Variants in ITGA9 observed in about 807,000 individuals in gnomAD.
The protein encoded by ITGA9 is integrin alpha-9.
In ITGA9, 56 loss-of-function variants were observed where a neutral mutation model predicts 127.8. That is an observed-to-expected ratio of 0.44 (90% CI 0.35 to 0.55). The LOEUF is 0.55. Among genes scored for constraint, ITGA9 ranks in the 20% least tolerant of loss-of-function variants. ITGA9 has a pLI of 0.00. For synonymous variants in ITGA9, 508 were observed against 514.5 expected, an observed-to-expected ratio of 0.99 and a Z score of 0.17; for missense variants, 1,196 against 1,347.1, an observed-to-expected ratio of 0.89 and a Z score of 1.76.
chr3:37,548,809 G>A (rs1270730814), intron 15 of ITGA9, among the ~76,000 whole-genome samples: 1 of 152,180 alleles, frequency 6.6e-6, no homozygotes, highest in Non-Finnish European at 1.5e-5. Flanking sequence ...GGTGCCCAAG[G>A]AAAATGGGAG....
At chr3:37,609,321 A>T (rs1243414785) in intron 15 of ITGA9, among the ~76,000 whole-genome samples, 3 of 152,144 alleles carry the variant, frequency 2.0e-5, no homozygotes, top group Non-Finnish European at 2.9e-5. Flanking sequence ...CTATTTGCAA[A>T]CAGGTCTTGG....
At chr3:37,518,611 T>C (rs1432770578) in intron 10 of ITGA9, among the ~76,000 whole-genome samples, 1 of 152,108 alleles carries the variant, frequency 6.6e-6, no homozygotes, top group African/African-American at 2.4e-5. Flanking sequence ...AGTTACACAA[T>C]AGCCATTGTC....
At chr3:37,542,101 G>A (rs1206056441) in intron 14 of ITGA9, among the ~76,000 whole-genome samples, 1 of 152,194 alleles carries the variant, frequency 6.6e-6, no homozygotes, top group African/African-American at 2.4e-5. Context: ...ACTAACCTGT[G>A]TTGGGTACAC....
At chr3:37,590,916 G>A (rs1218037625) in intron 15 of ITGA9, among the ~76,000 whole-genome samples, 5 of 152,140 alleles carry the variant, frequency 3.3e-5, no homozygotes, top group Non-Finnish European at 7.4e-5. Context: ...TCTGCCAGTG[G>A]AAACCCCATG....
chr3:37,657,093 C>T (rs1474892350), intron 17 of ITGA9, among the ~76,000 whole-genome samples: 3 of 152,054 alleles, frequency 2.0e-5, no homozygotes, highest in Non-Finnish European at 4.4e-5. Context: ...TTCAGTTTGC[C>T]AGTATTTTAT....
Position 37,452,279 on chromosome 3 carries a change from C to G in ITGA9, c.-96C>G. On this transcript the variant is annotated 5_prime_UTR_variant, in exon 1 of 28. Transcript: ENST00000264741. This position sits in a 1 kb window ranked among gnomAD's most constrained non-coding sequence, Gnocchi z 7.3. ...CGCCCGTGTCCAGGCGCAGAGCTCC[C>G]GCCCCGGGGAGCTTCCTGGCCGTCG... 1.5e-6 allele frequency: 1 copy of G among 671,852 alleles called. No individual in the cohort carries two copies. The highest frequency in any genetic ancestry group is 1.8e-6 in the Non-Finnish European group (1 of 542,154). The allele number at this position is 671,852 out of a possible 1,614,324, so 41.6% of individuals were successfully genotyped here.
intron 18 of ITGA9, among the ~76,000 whole-genome samples, chr3:37,706,417 T>C (rs1701006087): frequency 1.3e-5 from 2 of 152,182 alleles, no homozygotes; most frequent in Admixed American, 6.5e-5. Flanking sequence ...AAACCATAGA[T>C]GCATAGGTGC....
chr3:37,694,132 TG>T (rs1220481180), intron 18 of ITGA9, among the ~76,000 whole-genome samples: 2 of 152,226 alleles, frequency 1.3e-5, no homozygotes, highest in Non-Finnish European at 2.9e-5. Flanking sequence ...AAGCCTCACC[TG>T]GCTGGAAGCC....
At chr3:37,704,163 G>A (rs889799322) in intron 18 of ITGA9, among the ~76,000 whole-genome samples, 8 of 152,152 alleles carry the variant, frequency 5.3e-5, no homozygotes, top group African/African-American at 1.7e-4. Flanking sequence ...TTACATCACG[G>A]CCAGTTTTTT....
At chr3:37,740,743 G>A (rs936972217) in intron 20 of ITGA9, among the ~76,000 whole-genome samples, 47 of 152,302 alleles carry the variant, frequency 3.1e-4, no homozygotes, top group African/African-American at 1.1e-3. Flanking sequence ...GCACATAGTA[G>A]CCACTTAACA....
At chr3:37,720,339 A>G (rs1346504514) in intron 18 of ITGA9, among the ~76,000 whole-genome samples, 3 of 152,194 alleles carry the variant, frequency 2.0e-5, no homozygotes, top group Non-Finnish European at 2.9e-5. Context: ...AACACCATTC[A>G]TGAGTTGTTT....
Position 37,814,317 on chromosome 3 carries a change from G to A in ITGA9, c.3010-4574G>A, listed in dbSNP as rs1697403839. ...GCGGTGGCTCACACCTGTAATCCCA[G>A]CACTTTGGGAGGCCAAGGCAGGCGG... On this transcript the variant is annotated intron_variant, in intron 27 of 27. Transcript: ENST00000264741. This position sits in a 1 kb window ranked among gnomAD's most constrained non-coding sequence, Gnocchi z 4.3. Among the ~76,000 whole-genome samples, 1 of 152,178 alleles carries A rather than the reference G, an allele frequency of 6.6e-6. No individual in the cohort carries two copies. The highest frequency in any genetic ancestry group is 2.4e-5 in the African/African-American group (1 of 41,438).
At chr3:37,632,026 T>C (rs1482421718) in intron 16 of ITGA9, among the ~76,000 whole-genome samples, 2 of 152,178 alleles carry the variant, frequency 1.3e-5, no homozygotes, top group Non-Finnish European at 2.9e-5. Context: ...CTTTCACAGA[T>C]TTTCTACTCA....
At chr3:37,818,056 G>A (rs963377722) in intron 27 of ITGA9, among the ~76,000 whole-genome samples, 2 of 151,898 alleles carry the variant, frequency 1.3e-5, no homozygotes, top group African/African-American at 4.8e-5. Context: ...TTATTCCACA[G>A]ATGGCTAAGA....
intron 12 of ITGA9, among the ~76,000 whole-genome samples, chr3:37,524,520 G>A (rs1289419320): frequency 6.6e-6 from 1 of 152,172 alleles, no homozygotes; most frequent in East Asian, 1.9e-4. Flanking sequence ...TGAAGCTTTT[G>A]TCCCAAGAAA....
intron 16 of ITGA9, among the ~76,000 whole-genome samples, chr3:37,632,827 G>C (rs539030539): frequency 2.0e-5 from 3 of 152,274 alleles, no homozygotes; most frequent in Admixed American, 2.0e-4. Context: ...TGAAATAAAG[G>C]CTTCAATGTT....
intron 4 of ITGA9, among the ~76,000 whole-genome samples, chr3:37,484,468 A>G (rs1049713460): frequency 2.0e-5 from 3 of 152,280 alleles, no homozygotes; most frequent in Non-Finnish European, 4.4e-5. Flanking sequence ...GGCCACCATT[A>G]TTTCCTCAAT....
intron 5 of ITGA9, among the ~76,000 whole-genome samples, chr3:37,500,834 CAG>C (rs941168954): frequency 1.1e-4 from 16 of 152,146 alleles, no homozygotes; most frequent in African/African-American, 3.6e-4. Context: ...TCTGAAGGCT[CAG>C]GGGAAGGTCA....
In ITGA9 at chr3:37,806,110, AT is replaced by A. The variant is rs1559604171; in HGVS notation, c.3009+2171del. 1 of 152,214 alleles carries A rather than the reference AT, an allele frequency of 6.6e-6. No individual in the cohort carries two copies. The highest frequency in any genetic ancestry group is 2.4e-5 in the African/African-American group (1 of 41,462). 9.4% of individuals were successfully genotyped at this position (152,214 alleles called of 1,614,324 possible). ...AAAACAATCTGCCAATTTGTTGTTT[AT>A]TTAATCCACATCGCCAGATAGATTC... On this transcript the variant is annotated intron_variant, in intron 27 of 27. Transcript: ENST00000264741. The surrounding 1 kb of genome is among the most constrained non-coding windows in gnomAD (Gnocchi z 4.3).
Sources: allele counts gnomAD v4.1 joint callset (sites outside exome capture counted in the v4.1 genomes callset), GRCh38; gene constraint gnomAD v4.1.1; non-coding constraint Gnocchi (gnomAD v3.1); transcripts MANE v1.5; gene names NCBI Gene and HGNC (gene_info 2026-07-23, HGNC 2026-07-21).